The following FSTL5 variants were observed in gnomAD, a reference collection of about 807,000 sequenced individuals.
FSTL5 encodes follistatin-related protein 5.
In FSTL5, 62 loss-of-function variants were observed where a neutral mutation model predicts 89.1. The observed-to-expected ratio is 0.70, with a 90% confidence interval of 0.57 to 0.86. The LOEUF is 0.86. Ranked by LOEUF, FSTL5 falls within the 40% of genes least tolerant of loss-of-function variation. The probability of loss-of-function intolerance (pLI) is 0.00; values close to 1 mark genes in which losing one functional copy is unlikely to be tolerated. For synonymous variants in FSTL5, 383 were observed against 346.2 expected (o/e 1.11, Z -1.18); for missense variants, 1,057 against 1,001.6 (o/e 1.06, Z -0.75).
At chr4:162,084,975 C>T (rs1278379702) in intron 2 of FSTL5, among the ~76,000 whole-genome samples, 1 of 151,988 alleles carries the variant, frequency 6.6e-6, no homozygotes, top group Non-Finnish European at 1.5e-5. Flanking sequence ...AACCATATCA[C>T]TTCTAGGATA....
intron 2 of FSTL5, among the ~76,000 whole-genome samples, chr4:162,061,689 AG>A (rs904917919): frequency 6.6e-6 from 1 of 152,158 alleles, no homozygotes; most frequent in Admixed American, 6.6e-5. Context: ...TTTAAACCAA[AG>A]CACGCAGTCC....
chr4:161,690,834 G>T (rs534401601), intron 6 of FSTL5, among the ~76,000 whole-genome samples: 1 of 152,076 alleles, frequency 6.6e-6, no homozygotes, highest in African/African-American at 2.4e-5. Flanking sequence ...GCCCCAGTGT[G>T]TGTTATTCCT....
chr4:161,592,193 A>AC (rs1733844690), intron 7 of FSTL5, among the ~76,000 whole-genome samples: 1 of 152,120 alleles, frequency 6.6e-6, no homozygotes, highest in Non-Finnish European at 1.5e-5. Context: ...AAACATGTCA[A>AC]CCCCTGTATT....
intron 4 of FSTL5, among the ~76,000 whole-genome samples, chr4:161,832,311 A>G (rs145757950): frequency 2.7e-4 from 41 of 152,226 alleles, no homozygotes; most frequent in African/African-American, 8.2e-4. Context: ...CCAGATAGCA[A>G]GAACTGCAAG....
intron 8 of FSTL5, among the ~76,000 whole-genome samples, chr4:161,561,079 G>A (rs961357579): frequency 2.0e-5 from 3 of 151,922 alleles, no homozygotes; most frequent in African/African-American, 7.2e-5. Flanking sequence ...TAGCTACGAC[G>A]TCCCTAGGGA....
intron 3 of FSTL5, among the ~76,000 whole-genome samples, chr4:162,021,331 A>G (rs531493922): frequency 6.6e-6 from 1 of 152,150 alleles, no homozygotes; most frequent in Non-Finnish European, 1.5e-5. Flanking sequence ...AAGCAGTACA[A>G]TTAGTTACAT....
intron 4 of FSTL5, 142 bp downstream of exon 4, chr4:161,920,262 A>T: frequency 1.4e-6 from 1 of 734,522 alleles, no homozygotes; most frequent in Non-Finnish European, 2.2e-6. Flanking sequence ...ACACACTGCT[A>T]CTTAGTGGAG....
At chr4:162,057,977 G>A (rs13120625) in intron 2 of FSTL5, among the ~76,000 whole-genome samples, 9,781 of 152,006 alleles carry the variant, frequency 0.064, 433 homozygotes, top group Non-Finnish European at 0.098. Context: ...AATAATTCTG[G>A]GGTACTGGAC....
rs1411011364 is a variant in FSTL5, at chr4:161,568,435, C to A, written c.1015+19020G>T. On this transcript the variant is annotated intron_variant, in intron 8 of 15. Coordinates refer to ENST00000306100, the MANE Select transcript of FSTL5 (RefSeq NM_020116.5). ...TGGTATATGCCTTAGAGCTGATCTT[C>A]TTTACAGTAGGGAAGTTAGCTTTTA... is the stretch of plus-strand genomic sequence containing the variant. 5.9e-5 allele frequency among the ~76,000 whole-genome samples: 9 copies of A among 152,160 alleles called. No homozygotes were observed. The South Asian group carries it at 1.2e-3, about 21-fold the overall frequency.
At chr4:161,796,875 G>C (rs530290454) in intron 4 of FSTL5, among the ~76,000 whole-genome samples, 2 of 151,580 alleles carry the variant, frequency 1.3e-5, no homozygotes, top group South Asian at 4.2e-4. Context: ...AGTTGAGGAA[G>C]TAAATCCTTA....
At chr4:162,029,394 T>C (rs1051423080) in intron 3 of FSTL5, among the ~76,000 whole-genome samples, 3 of 152,154 alleles carry the variant, frequency 2.0e-5, no homozygotes, top group Non-Finnish European at 2.9e-5. Flanking sequence ...ATTGAGCTTA[T>C]AGAGGATTAT....
intron 6 of FSTL5, among the ~76,000 whole-genome samples, chr4:161,681,963 C>T (rs1461317837): frequency 2.0e-5 from 3 of 152,118 alleles, no homozygotes; most frequent in Non-Finnish European, 4.4e-5. Flanking sequence ...ATGGTACAGA[C>T]TACTATACAC....
intron 7 of FSTL5, among the ~76,000 whole-genome samples, chr4:161,626,229 A>G (rs1020227260): frequency 2.2e-4 from 33 of 152,152 alleles, no homozygotes; most frequent in East Asian, 2.1e-3. Flanking sequence ...GTAGTTAGAG[A>G]GAAGACAATG....
chr4:161,717,658 T>G (rs1177313512), intron 6 of FSTL5, among the ~76,000 whole-genome samples: 1 of 152,182 alleles, frequency 6.6e-6, no homozygotes, highest in African/African-American at 2.4e-5. Context: ...GTGGGTTAAG[T>G]AAACTTTTAT....
intron 8 of FSTL5, among the ~76,000 whole-genome samples, chr4:161,551,920 C>G (rs560416658): frequency 1.3e-5 from 2 of 151,760 alleles, no homozygotes; most frequent in South Asian, 2.1e-4. Flanking sequence ...CAGGACATAG[C>G]CATGGGCAAG....
chr4:161,759,303 T>C (rs376903994), intron 6 of FSTL5, 108 bp downstream of exon 6: 30 of 1,037,796 alleles, frequency 2.9e-5, no homozygotes, highest in Middle Eastern at 2.5e-4. Context: ...AATTATATAA[T>C]TTTTCTTAAG....
intron 4 of FSTL5, among the ~76,000 whole-genome samples, chr4:161,896,922 C>T (rs987600153): frequency 3.9e-5 from 6 of 151,988 alleles, no homozygotes; most frequent in Admixed American, 1.3e-4. Context: ...ATATAATAAA[C>T]AAATCTTTTG....
chr4:161,857,477 G>A (rs1349239066), intron 4 of FSTL5, among the ~76,000 whole-genome samples: 1 of 151,982 alleles, frequency 6.6e-6, no homozygotes, highest in African/African-American at 2.4e-5. Context: ...TACTTATCTG[G>A]CTGGAATGCT....
At chr4:161,866,317 G>A (rs1252478371) in intron 4 of FSTL5, among the ~76,000 whole-genome samples, 1 of 152,052 alleles carries the variant, frequency 6.6e-6, no homozygotes, top group African/African-American at 2.4e-5. Flanking sequence ...TGTGACACAT[G>A]CCTTTCCTAA....
Sources: gnomAD v4.1 joint callset for allele counts (sites outside exome capture counted in the v4.1 genomes callset) on GRCh38, gnomAD v4.1.1 for gene constraint, MANE v1.5 for transcripts, NCBI Gene and HGNC (gene_info 2026-07-23, HGNC 2026-07-21) for gene names.